The following TRIM9 variants were observed in gnomAD, a reference collection of about 807,000 sequenced individuals.
TRIM9 encodes tripartite motif containing 9.
Under a neutral mutation model 78.3 loss-of-function variants are expected in TRIM9, and 26 were observed. The observed-to-expected ratio is 0.33, with a 90% CI of 0.24 to 0.46. The LOEUF is 0.46. TRIM9 is among the 20% of genes least tolerant of loss of function. The pLI, the probability that TRIM9 is intolerant of heterozygous loss-of-function variation, is 1.00. For missense variants in TRIM9, 787 were observed against 1,036.4 expected (o/e 0.76, Z 3.30); for synonymous variants, 398 against 416.5 (o/e 0.96, Z 0.54).
intron 8 of TRIM9, 125 bp downstream of exon 8, chr14:50,985,831 G>C: frequency 1.2e-6 from 1 of 867,304 alleles, no homozygotes; most frequent in Non-Finnish European, 1.6e-6. Flanking sequence ...ACGGAAAGCA[G>C]GCCACAGACA....
chr14:51,067,029 C>T (rs2061807457), intron 1 of TRIM9, among the ~76,000 whole-genome samples: 1 of 152,128 alleles, frequency 6.6e-6, no homozygotes, highest in Non-Finnish European at 1.5e-5. Context: ...AATTTATCAC[C>T]CACATCTGAC....
intron 12 of TRIM9, among the ~76,000 whole-genome samples, chr14:50,978,049 C>T (rs2139260104): frequency 6.6e-6 from 1 of 152,138 alleles, no homozygotes; most frequent in Non-Finnish European, 1.5e-5. Flanking sequence ...TTTTCTGAGA[C>T]TCGCTTCTAG....
chr14:51,040,835 C>G (rs1385058180), intron 1 of TRIM9, among the ~76,000 whole-genome samples: 2 of 152,232 alleles, frequency 1.3e-5, no homozygotes, highest in African/African-American at 4.8e-5. Flanking sequence ...CTTAACTCTT[C>G]CGCTTACTAC....
At chr14:51,001,450 T>G (rs371193891) in intron 5 of TRIM9, among the ~76,000 whole-genome samples, 3 of 151,906 alleles carry the variant, frequency 2.0e-5, no homozygotes, top group Non-Finnish European at 4.4e-5. Flanking sequence ...AGGATGGTCT[T>G]GATCTCCTGA....
rs1184095201 is a variant in TRIM9 at position 50,979,563 on chromosome 14, G to C, written c.2163-14C>G. 6.2e-7 allele frequency: 1 copy of C among 1,608,572 alleles called. No individual in the cohort carries two copies. ...CCTCCCTCAGTTCTGTAGGAAAAGA[G>C]AAAAATTGGGGTTCATTTCCTTGTG... is the stretch of plus-strand genomic sequence containing the variant. On this transcript the variant is annotated splice_polypyrimidine_tract_variant and intron_variant, in intron 11 of 12. Transcript: ENST00000684578.
intron 7 of TRIM9, among the ~76,000 whole-genome samples, chr14:50,987,945 C>T (rs111634595): frequency 0.075 from 11,440 of 152,038 alleles, 918 homozygotes; most frequent in African/African-American, 0.2. Context: ...GGACTACAGG[C>T]GTGAGCCATC....
chr14:51,051,566 C>T (rs1181057699), intron 1 of TRIM9, among the ~76,000 whole-genome samples: 1 of 152,142 alleles, frequency 6.6e-6, no homozygotes, highest in Non-Finnish European at 1.5e-5. Flanking sequence ...ATTTATATAG[C>T]TTGTTATTGT....
At position 51,095,095 on chromosome 14, in the gene TRIM9, G is replaced by T. The variant is rs1040573355; in HGVS notation, c.-156C>A. 4.0e-6 allele frequency: 2 copies of T among 506,020 alleles called. No homozygotes were observed. Among genetic ancestry groups the T allele is most frequent in the Non-Finnish European group, 6.3e-6 (2 of 318,754 alleles). The allele number at this position is 506,020 out of a possible 1,614,324, so 31.3% of individuals were successfully genotyped here. A position where few individuals can be genotyped will look rare whatever the true frequency, so the allele number is the denominator to read the frequency against. On this transcript the variant is annotated 5_prime_UTR_variant, in exon 1 of 13. Coordinates refer to ENST00000684578, the MANE Select transcript of TRIM9 (RefSeq NM_001387360.1). ...CACTGGCACGGACACCCAGAGAGGCGCTAGCTCTGTGAGCCGCAGCCGCGT... is the reference window on the plus strand; with the variant it reads ...CACTGGCACGGACACCCAGAGAGGCTCTAGCTCTGTGAGCCGCAGCCGCGT...
chr14:51,001,849 C>T (rs571370097), intron 5 of TRIM9, among the ~76,000 whole-genome samples: 1 of 152,232 alleles, frequency 6.6e-6, no homozygotes, highest in Admixed American at 6.5e-5. Flanking sequence ...AGGTATAGAA[C>T]ACCCACTGTG....
intron 5 of TRIM9, among the ~76,000 whole-genome samples, chr14:51,001,870 G>A (rs2055095192): frequency 1.3e-5 from 2 of 152,152 alleles, no homozygotes; most frequent in South Asian, 2.1e-4. Context: ...AGCCTGGTGC[G>A]TGGACTAGGG....
chr14:51,064,511 G>C (rs1161599397), intron 1 of TRIM9, among the ~76,000 whole-genome samples: 2 of 151,588 alleles, frequency 1.3e-5, no homozygotes, highest in African/African-American at 2.4e-5. Flanking sequence ...AAAGTTAAAA[G>C]GGGAAGAAAA....
chr14:50,979,627 A>G (rs1596081792), intron 11 of TRIM9, 78 bp from the exon 12 acceptor site: 3 of 1,225,712 alleles, frequency 2.4e-6, no homozygotes, highest in Non-Finnish European at 3.5e-6. Flanking sequence ...TGGTGAAACC[A>G]GTGTCTTGCA....
intron 1 of TRIM9, among the ~76,000 whole-genome samples, chr14:51,085,118 G>A (rs1182256124): frequency 6.6e-6 from 1 of 152,222 alleles, no homozygotes; most frequent in Non-Finnish European, 1.5e-5. Context: ...ATGGGAGTAA[G>A]TGATGAATAT....
chr14:51,084,720 T>C (rs562235066), intron 1 of TRIM9, among the ~76,000 whole-genome samples: 3 of 152,214 alleles, frequency 2.0e-5, no homozygotes, highest in African/African-American at 7.2e-5. Context: ...GTTTTATGAA[T>C]TGATGCACTT....
At chr14:51,041,450 G>T (rs1029483031) in intron 1 of TRIM9, among the ~76,000 whole-genome samples, 2 of 152,246 alleles carry the variant, frequency 1.3e-5, no homozygotes, top group African/African-American at 2.4e-5. Flanking sequence ...TGAGCCCACA[G>T]CCTGGCCCTC....
intron 1 of TRIM9, among the ~76,000 whole-genome samples, chr14:51,068,705 T>C (rs577516913): frequency 1.3e-4 from 20 of 152,128 alleles, no homozygotes; most frequent in Non-Finnish European, 2.4e-4. Context: ...TTGAGAAGAA[T>C]AAGGATGTAA....
rs2051140113 is a variant in TRIM9 at position 50,977,041 on chromosome 14, G to A, written c.*250C>T. 1 of 349,810 alleles carries A rather than the reference G, an allele frequency of 2.9e-6. No individual in the cohort carries two copies. Among genetic ancestry groups the A allele is most frequent in the Non-Finnish European group, 5.1e-6 (1 of 195,132 alleles). 21.7% of individuals were successfully genotyped at this position (349,810 alleles called of 1,614,324 possible). On this transcript the variant is annotated 3_prime_UTR_variant, in exon 13 of 13. Coordinates refer to ENST00000684578, the MANE Select transcript of TRIM9 (RefSeq NM_001387360.1). ...TCTGGGAGTGGGAACCAAGTGACTT[G>A]GTGGGCTGTCTAGGTCCTTTGTTGG...
intron 1 of TRIM9, among the ~76,000 whole-genome samples, chr14:51,074,326 T>C (rs920697828): frequency 2.0e-5 from 3 of 152,026 alleles, no homozygotes; most frequent in African/African-American, 7.2e-5. Flanking sequence ...ATGTAAATAA[T>C]GGTATGTAAA....
chr14:51,025,456 G>C, intron 1 of TRIM9, 96 bp from the exon 2 acceptor site: 1 of 1,036,318 alleles, frequency 9.6e-7, no homozygotes, highest in Non-Finnish European at 1.5e-6. Context: ...AACCTCCTCA[G>C]ATTCCTCTTG....
Sources: gnomAD v4.1 joint callset for allele counts (sites outside exome capture counted in the v4.1 genomes callset) on GRCh38, gnomAD v4.1.1 for gene constraint, MANE v1.5 for transcripts, NCBI Gene and HGNC (gene_info 2026-07-23, HGNC 2026-07-21) for gene names.